Variants in SYNJ2 observed in about 807,000 individuals in gnomAD.
SYNJ2 encodes the protein polyphosphatidylinositol phosphatase SYNJ2.
In SYNJ2, 116 loss-of-function variants were observed where a neutral mutation model predicts 141.3. The ratio of observed to expected loss-of-function variants is 0.82; its 90% CI spans 0.71 to 0.96. The LOEUF (loss-of-function observed/expected upper bound fraction) is 0.96, where lower values mean the gene tolerates loss of function less well. Among genes scored for constraint, SYNJ2 ranks in the 40% least tolerant of loss-of-function variants. SYNJ2 has a pLI of 0.00. For synonymous variants in SYNJ2, 745 were observed against 777.7 expected, an observed-to-expected ratio of 0.96 and a Z score of 0.70; for missense variants, 1,873 against 1,934.8, an observed-to-expected ratio of 0.97 and a Z score of 0.60.
At chr6:158,049,872 A>G (rs1031646739) in intron 5 of SYNJ2, among the ~76,000 whole-genome samples, 2 of 150,348 alleles carry the variant, frequency 1.3e-5, no homozygotes, top group Non-Finnish European at 3.0e-5. Context: ...AGGTGGGGAC[A>G]TGGCTCTGCA....
chr6:158,057,909 G>A (rs768378523), intron 6 of SYNJ2, among the ~76,000 whole-genome samples: 2 of 152,234 alleles, frequency 1.3e-5, no homozygotes, highest in East Asian at 3.9e-4. Flanking sequence ...GGAGCTGCAC[G>A]TGGAGACGGG....
chr6:158,010,135 G>T (rs1385002329), intron 1 of SYNJ2, among the ~76,000 whole-genome samples: 1 of 152,094 alleles, frequency 6.6e-6, no homozygotes, highest in East Asian at 1.9e-4. Flanking sequence ...GCCCAGGCTG[G>T]TCTTGAACTC....
At position 158,062,128 on chromosome 6, in the gene SYNJ2, T is replaced by C. The variant is rs1239865079; in HGVS notation, c.1091T>C (p.Phe364Ser). The C allele has an allele frequency of 1.2e-6, 2 of 1,613,876 alleles. No homozygotes were observed. The highest frequency in any genetic ancestry group is 3.3e-5 in the Admixed American group (2 of 60,006). ...CAGTTAAAGCTGCACTGGGAAGACT[T>C]CGATGTGTTCACAAAGGGGGAGAAC... ...RPQLKLHWED[F>S]DVFTKGENVS... Residue 364 changes from phenylalanine (F) to serine (S), a missense_variant, in exon 8 of 27, where the codon TTC becomes TCC. Physicochemically the swap from Phe to Ser is radical, Grantham distance 155. Transcript: ENST00000355585.
At chr6:158,090,321 T>C (rs1367099189) in intron 25 of SYNJ2, among the ~76,000 whole-genome samples, 1 of 152,194 alleles carries the variant, frequency 6.6e-6, no homozygotes, top group African/African-American at 2.4e-5. Context: ...AATCTACCTT[T>C]TAAATCACTG....
intron 1 of SYNJ2, among the ~76,000 whole-genome samples, chr6:158,007,898 C>T (rs1778131448): frequency 6.6e-6 from 1 of 152,212 alleles, no homozygotes; most frequent in Non-Finnish European, 1.5e-5. Flanking sequence ...AAGCAATCCT[C>T]CTGTCTCAGC....
Position 158,096,646 on chromosome 6 carries a change from C to T in SYNJ2, c.*282C>T, listed in dbSNP as rs1783815694. ...TATGGATTTTAAGAAAGGAATCTAG[C>T]CAATGAGGTCCAAGAAGTTCTCACC... On this transcript the variant is annotated 3_prime_UTR_variant, in exon 27 of 27. Coordinates refer to ENST00000355585, the MANE Select transcript of SYNJ2 (RefSeq NM_003898.4). 7.0e-6 allele frequency: 2 copies of T among 284,296 alleles called. No homozygotes were observed. Among genetic ancestry groups the T allele is most frequent in the Non-Finnish European group, 1.3e-5 (2 of 153,154 alleles). 17.6% of individuals were successfully genotyped at this position (284,296 alleles called of 1,614,324 possible). A position where few individuals can be genotyped will look rare whatever the true frequency, so the allele number is the denominator to read the frequency against.
Position 158,070,325 on chromosome 6 carries a change from C to A in SYNJ2, c.1940+652C>A. The A allele has an allele frequency of 1.0e-6, 1 of 985,562 alleles. No homozygotes were observed. The highest frequency in any genetic ancestry group is 1.2e-6 in the Non-Finnish European group (1 of 830,088). The allele number at this position is 985,562 out of a possible 1,614,324, so 61.1% of individuals were successfully genotyped here. A position where few individuals can be genotyped will look rare whatever the true frequency, so the allele number is the denominator to read the frequency against. ...GTTGAACTGACCTCCCCACTGAGCC[C>A]CTGGGTCCCGGGAAGGGCCTGTGCC... On this transcript the variant is annotated intron_variant, in intron 14 of 26. Transcript: ENST00000355585. The surrounding 1 kb of genome is among the most constrained non-coding windows in gnomAD (Gnocchi z 4.0).
intron 5 of SYNJ2, among the ~76,000 whole-genome samples, chr6:158,051,718 G>A (rs573582825): frequency 6.6e-6 from 1 of 151,876 alleles, no homozygotes; most frequent in South Asian, 2.1e-4. Context: ...AGGCCGAGGT[G>A]GGTGGATCAC....
At chr6:158,074,552 A>G (rs1160946061) in intron 15 of SYNJ2, 28 bp from the exon 16 acceptor site, 1 of 1,603,878 alleles carries the variant, frequency 6.2e-7, no homozygotes. Flanking sequence ...AGATGGGCTG[A>G]ATGATTATGA....
In SYNJ2 at chr6:158,081,177, A is replaced by G. The variant is rs1782653951; in HGVS notation, c.2636A>G (p.Gln879Arg). Residue 879 changes from glutamine (Q) to arginine (R), a missense_variant, in exon 19 of 27, where the codon CAG becomes CGG. Gln to Arg is a conservative substitution (Grantham distance 43). Transcript: ENST00000355585. ...VDVGARERVFQEVSSFQGPLD... is the reference protein window; with the variant it reads ...VDVGARERVFREVSSFQGPLD... ...GTGGGTGCTCGGGAGAGGGTTTTCC[A>G]GGAAGTGTCCTCCTTCCAGGGCCCC... 1 of 1,614,176 alleles carries G rather than the reference A, an allele frequency of 6.2e-7. No individual in the cohort carries two copies. Among genetic ancestry groups the G allele is most frequent in the South Asian group, 1.1e-5 (1 of 91,084 alleles).
At chr6:158,057,492 C>T (rs539117606) in intron 6 of SYNJ2, among the ~76,000 whole-genome samples, 1 of 152,342 alleles carries the variant, frequency 6.6e-6, no homozygotes, top group Non-Finnish European at 1.5e-5. Flanking sequence ...TAGTCCTCCT[C>T]GCCATTCTCC....
At chr6:157,983,295 C>G (rs921302423) in intron 1 of SYNJ2, among the ~76,000 whole-genome samples, 1 of 152,208 alleles carries the variant, frequency 6.6e-6, no homozygotes, top group Non-Finnish European at 1.5e-5. Flanking sequence ...CTCCAGTAGT[C>G]TCAGCATCAA....
chr6:158,062,938 G>A (rs1781313477), intron 8 of SYNJ2, among the ~76,000 whole-genome samples: 1 of 152,146 alleles, frequency 6.6e-6, no homozygotes, highest in South Asian at 2.1e-4. Context: ...AGCACAAGAA[G>A]GTGGTGATGT....
chr6:158,081,049 G>T, intron 18 of SYNJ2, 60 bp from the exon 19 acceptor site: 1 of 1,525,168 alleles, frequency 6.6e-7, no homozygotes, highest in South Asian at 1.1e-5. Context: ...GGGACTGGAG[G>T]CCGGGGGTGT....
chr6:157,998,490 G>A (rs1562313837), intron 1 of SYNJ2, among the ~76,000 whole-genome samples: 1 of 152,240 alleles, frequency 6.6e-6, no homozygotes, highest in Non-Finnish European at 1.5e-5. Flanking sequence ...CAGGGAACCA[G>A]AGCTAGATAA....
At position 158,071,884 on chromosome 6, in the gene SYNJ2, A is replaced by G. The variant is rs911697537; in HGVS notation, c.2133+90A>G. 69 of 1,436,764 alleles carry G rather than the reference A, an allele frequency of 4.8e-5. No homozygotes were observed. The highest frequency in any genetic ancestry group is 6.0e-5 in the Non-Finnish European group (64 of 1,065,856). 89.0% of individuals were successfully genotyped at this position (1,436,764 alleles called of 1,614,324 possible). ...ATAGGAGCCAGGCACTGGGGACACA[A>G]CCACAGGGAGGGCCCCTTCCTGGAG... On this transcript the variant is annotated intron_variant, in intron 15 of 26. Coordinates refer to ENST00000355585, the MANE Select transcript of SYNJ2 (RefSeq NM_003898.4). The surrounding 1 kb of genome is among the most constrained non-coding windows in gnomAD (Gnocchi z 4.3).
chr6:158,025,797 A>G (rs1779009237), intron 2 of SYNJ2, among the ~76,000 whole-genome samples: 1 of 152,156 alleles, frequency 6.6e-6, no homozygotes. Context: ...TACTAAAAAT[A>G]TAAAATTAGC....
At chr6:158,074,786 A>T (rs949326912) in intron 16 of SYNJ2, 48 bp downstream of exon 16, 1 of 1,600,202 alleles carries the variant, frequency 6.2e-7, no homozygotes, top group Non-Finnish European at 8.5e-7. Context: ...CCAAGATGGA[A>T]TGACATCTGT....
At chr6:158,052,087 G>A (rs547506724) in intron 5 of SYNJ2, among the ~76,000 whole-genome samples, 3 of 152,318 alleles carry the variant, frequency 2.0e-5, no homozygotes, top group African/African-American at 7.2e-5. Context: ...TGGGGCAGTT[G>A]TATCACCTGC....
Sources: gnomAD v4.1 joint callset for allele counts (sites outside exome capture counted in the v4.1 genomes callset) on GRCh38, gnomAD v4.1.1 for gene constraint, Gnocchi (gnomAD v3.1) non-coding constraint, MANE v1.5 for transcripts, NCBI Gene and HGNC (gene_info 2026-07-23, HGNC 2026-07-21) for gene names.